Variants in THEM4 observed in about 807,000 individuals in gnomAD.
THEM4 encodes acyl-coenzyme A thioesterase THEM4.
In THEM4, 22 loss-of-function variants were observed where a neutral mutation model predicts 25.0. The observed-to-expected ratio is 0.88, with a 90% CI of 0.63 to 1.26. The LOEUF is 1.26. Among genes scored for constraint, THEM4 ranks in the 50% most tolerant of loss-of-function variants. The pLI, the probability that THEM4 is intolerant of heterozygous loss-of-function variation, is 0.00. For missense variants in THEM4, 286 were observed against 300.3 expected (o/e 0.95, Z 0.35); for synonymous variants, 113 against 105.6 (o/e 1.07, Z -0.43).
At chr1:151,887,342 A>G (rs562760183) in intron 4 of THEM4, among the ~76,000 whole-genome samples, 2 of 152,278 alleles carry the variant, frequency 1.3e-5, no homozygotes, top group South Asian at 4.1e-4. Flanking sequence ...AGGCATGAGA[A>G]TAGCTTGAAC....
chr1:151,882,073 T>TA (rs1044438582), intron 4 of THEM4, among the ~76,000 whole-genome samples: 1 of 151,846 alleles, frequency 6.6e-6, no homozygotes, highest in Non-Finnish European at 1.5e-5. Flanking sequence ...GATCTGAAAA[T>TA]AATAATTAAA....
intron 1 of THEM4, among the ~76,000 whole-genome samples, chr1:151,900,684 C>T (rs1409021608): frequency 6.6e-6 from 1 of 152,158 alleles, no homozygotes; most frequent in Admixed American, 6.5e-5. Flanking sequence ...ATTTATAAAA[C>T]AATTACTAAC....
intron 3 of THEM4, 113 bp downstream of exon 3, chr1:151,889,101 T>C (rs896840975): frequency 7.9e-5 from 55 of 700,494 alleles, no homozygotes; most frequent in Non-Finnish European, 1.2e-4. Context: ...TGTCAATAAA[T>C]ATACATCTAT....
At chr1:151,878,301 C>A (rs1163075209) in intron 4 of THEM4, among the ~76,000 whole-genome samples, 8 of 152,216 alleles carry the variant, frequency 5.3e-5, no homozygotes, top group Non-Finnish European at 1.0e-4. Context: ...TCCACACACA[C>A]ATAGTGACCA....
intron 1 of THEM4, among the ~76,000 whole-genome samples, chr1:151,904,029 A>G (rs1654406663): frequency 6.6e-6 from 1 of 152,226 alleles, no homozygotes; most frequent in African/African-American, 2.4e-5. Context: ...CAAGAGAAAT[A>G]GATACAGGCA....
intron 4 of THEM4, among the ~76,000 whole-genome samples, chr1:151,880,287 T>G (rs1653782211): frequency 6.6e-6 from 1 of 151,846 alleles, no homozygotes; most frequent in Non-Finnish European, 1.5e-5. Flanking sequence ...AGCAGCCTGG[T>G]CAGCATGGTG....
intron 1 of THEM4, among the ~76,000 whole-genome samples, chr1:151,906,596 C>G (rs1282259119): frequency 6.6e-6 from 1 of 152,238 alleles, no homozygotes. Flanking sequence ...GCCAGCTGGG[C>G]TCCTGAGTCT....
chr1:151,887,577 G>A (rs1654000110), intron 4 of THEM4, among the ~76,000 whole-genome samples: 1 of 151,944 alleles, frequency 6.6e-6, no homozygotes, highest in Non-Finnish European at 1.5e-5. Flanking sequence ...ACAAATAAAT[G>A]GAAAGACATC....
intron 4 of THEM4, among the ~76,000 whole-genome samples, chr1:151,881,556 G>A (rs774771506): frequency 2.6e-5 from 4 of 152,030 alleles, no homozygotes; most frequent in Admixed American, 6.6e-5. Context: ...TTCATTTTGC[G>A]CTCATTTTTG....
In THEM4 at chr1:151,909,374, G is replaced by C; in HGVS notation, c.85C>G (p.Pro29Ala). Residue 29 changes from proline to alanine, a missense_variant, in exon 1 of 6, where the codon CCG (proline) becomes GCG (alanine). Physicochemically the swap from Pro to Ala is conservative, Grantham distance 27 (BLOSUM62 -1). Coordinates refer to ENST00000368814, the MANE Select transcript of THEM4 (RefSeq NM_053055.5). Reference protein sequence around the residue: ...PVGRRLPGSEPRPELRSFSSE... With the variant: ...PVGRRLPGSEARPELRSFSSE... ...CCCAGACTCACCAGCTCGGGTCGCG[G>C]CTCGCTTCCCGGCAGGCGCCGGCCT... The C allele has an allele frequency of 1.3e-6, 2 of 1,508,594 alleles. No individual in the cohort carries two copies. Among genetic ancestry groups the C allele is most frequent in the African/African-American group, 1.4e-5 (1 of 69,616 alleles). The allele number at this position is 1,508,594 out of a possible 1,614,324, so 93.5% of individuals were successfully genotyped here. A position where few individuals can be genotyped will look rare whatever the true frequency, so the allele number is the denominator to read the frequency against.
At chr1:151,880,588 A>G (rs1182879994) in intron 4 of THEM4, among the ~76,000 whole-genome samples, 1 of 152,116 alleles carries the variant, frequency 6.6e-6, no homozygotes, top group Non-Finnish European at 1.5e-5. Context: ...TATTAGACGC[A>G]TATTGATTTA....
intron 1 of THEM4, among the ~76,000 whole-genome samples, chr1:151,907,295 C>A (rs1396893535): frequency 6.6e-6 from 1 of 152,292 alleles, no homozygotes; most frequent in East Asian, 1.9e-4. Context: ...GCCGGACATG[C>A]CGCCTTTAAG....
rs116432922 is a variant in THEM4, at chr1:151,874,110, T to C, written c.*778A>G. The C allele has an allele frequency of 7.2e-5, 11 of 152,376 alleles. No individual in the cohort carries two copies. Among genetic ancestry groups the C allele is most frequent in the African/African-American group, 2.6e-4 (11 of 41,580 alleles). 9.4% of individuals were successfully genotyped at this position (152,376 alleles called of 1,614,324 possible). A position where few individuals can be genotyped will look rare whatever the true frequency, so the allele number is the denominator to read the frequency against. ...AATCTCAGACAACAGATTTGAGGTA[T>C]TCATTCCTATAGGATCTGGCTGTGC... On this transcript the variant is annotated 3_prime_UTR_variant, in exon 6 of 6. Coordinates refer to ENST00000368814, the MANE Select transcript of THEM4 (RefSeq NM_053055.5).
rs1448708121 is a variant in THEM4, at chr1:151,871,774, T to G, written c.*3114A>C. Among the ~76,000 whole-genome samples the G allele has an allele frequency of 1.3e-5, 2 of 152,188 alleles. No homozygotes were observed. Among genetic ancestry groups the G allele is most frequent in the Non-Finnish European group, 2.9e-5 (2 of 68,030 alleles). ...GAAAACCTGGTCATTTGGCACTCTT[T>G]CAGTTAGGTTCTTTCACTTGGCTGG... is the stretch of plus-strand genomic sequence containing the variant. On this transcript the variant is annotated 3_prime_UTR_variant, in exon 6 of 6. Transcript: ENST00000368814.
intron 2 of THEM4, among the ~76,000 whole-genome samples, chr1:151,892,542 A>G (rs904067231): frequency 6.6e-6 from 1 of 152,240 alleles, no homozygotes; most frequent in Non-Finnish European, 1.5e-5. Context: ...ATAAAACAGA[A>G]TAATTCTTCC....
In THEM4 at chr1:151,895,019, G is replaced by C; in HGVS notation, c.275C>G (p.Thr92Ser). Residue 92 changes from threonine (T) to serine (S), a missense_variant, in exon 2 of 6, where the codon ACC becomes AGC. Physicochemically the swap from Thr to Ser is moderately conservative, Grantham distance 58. Coordinates refer to ENST00000368814, the MANE Select transcript of THEM4 (RefSeq NM_053055.5). ...GTGGCTGTTTCTACCAAGAAAATGG[G>C]TTTTGAAGTCTTGAATCCATTCAGT... ...TPTEWIQDFKTHFLDPKLMKE... is the reference protein window; with the variant it reads ...TPTEWIQDFKSHFLDPKLMKE... 1 of 1,614,102 alleles carries C rather than the reference G, an allele frequency of 6.2e-7. No individual in the cohort carries two copies. Among genetic ancestry groups the C allele is most frequent in the South Asian group, 1.1e-5 (1 of 91,088 alleles).
intron 1 of THEM4, among the ~76,000 whole-genome samples, chr1:151,900,108 A>G (rs1215806983): frequency 6.6e-6 from 1 of 152,230 alleles, no homozygotes; most frequent in Admixed American, 6.5e-5. Flanking sequence ...ACAAATACTG[A>G]GAGAATTCGC....
At chr1:151,883,116 T>TTATTTATA (rs1306641567) in intron 4 of THEM4, among the ~76,000 whole-genome samples, 1 of 150,202 alleles carries the variant, frequency 6.7e-6, no homozygotes, top group Non-Finnish European at 1.5e-5. Flanking sequence ...ATTTATTTAT[T>TTATTTATA]TATTTATTTA....
At chr1:151,890,620 T>C (rs987899756) in intron 2 of THEM4, 1 of 161,486 alleles carries the variant, frequency 6.2e-6, no homozygotes, top group Non-Finnish European at 1.4e-5. Flanking sequence ...CACCCTGTCT[T>C]TTAGACTTTG....
Sources: allele counts gnomAD v4.1 joint callset (sites outside exome capture counted in the v4.1 genomes callset), GRCh38; gene constraint gnomAD v4.1.1; transcripts MANE v1.5; gene names NCBI Gene and HGNC (gene_info 2026-07-23, HGNC 2026-07-21).